Variants in PMVK observed in about 807,000 individuals in gnomAD.
PMVK encodes phosphomevalonate kinase.
PMVK carries 10 observed loss-of-function variants against 19.0 expected under a neutral mutation model. The observed-to-expected ratio is 0.53, with a 90% CI of 0.32 to 0.89. PMVK has a LOEUF of 0.89. PMVK is among the 40% of genes least tolerant of loss of function. PMVK has a pLI of 0.03. For missense variants in PMVK, 222 were observed against 251.1 expected (o/e 0.88, Z 0.78); for synonymous variants, 108 against 101.6 (o/e 1.06, Z -0.38).
At chr1:154,930,844 G>C (rs1654312969) in intron 2 of PMVK, among the ~76,000 whole-genome samples, 1 of 152,178 alleles carries the variant, frequency 6.6e-6, no homozygotes, top group Non-Finnish European at 1.5e-5. Context: ...TAGCACTTTG[G>C]GAGGCCATAG....
At chr1:154,930,948 G>T (rs891582680) in intron 2 of PMVK, among the ~76,000 whole-genome samples, 15 of 152,092 alleles carry the variant, frequency 9.9e-5, no homozygotes, top group Admixed American at 8.5e-4. Context: ...ACTTAGCCAG[G>T]CATAGTGGCA....
chr1:154,939,048 C>G (rs1013093695), upstream of PMVK, among the ~76,000 whole-genome samples: 2 of 152,172 alleles, frequency 1.3e-5, no homozygotes, highest in African/African-American at 4.8e-5. Flanking sequence ...GACTCAGCCA[C>G]TGGCTCCCAG....
upstream of PMVK, chr1:154,937,534 A>G (rs1008641897): frequency 6.6e-6 from 1 of 152,246 alleles, no homozygotes; most frequent in African/African-American, 2.4e-5. Flanking sequence ...GCTCCCAGCC[A>G]GAAGTTTGAG....
At chr1:154,941,504 A>G (rs1040307115), upstream of PMVK, among the ~76,000 whole-genome samples, 1 of 152,164 alleles carries the variant, frequency 6.6e-6, no homozygotes, top group Non-Finnish European at 1.5e-5. Context: ...GAGCATGTGA[A>G]GGGGCCAGGA....
At chr1:154,932,487 C>A in intron 1 of PMVK, 72 bp from the exon 2 acceptor site, 1 of 1,051,596 alleles carries the variant, frequency 9.5e-7, no homozygotes, top group South Asian at 1.5e-5. Flanking sequence ...GAAAGGGAGT[C>A]AAGAGGCCTG....
chr1:154,935,839 G>A (rs1406523662), intron 1 of PMVK, among the ~76,000 whole-genome samples: 4 of 149,500 alleles, frequency 2.7e-5, no homozygotes, highest in Admixed American at 6.6e-5. Flanking sequence ...AGAGGTGCTC[G>A]CCATCGCACT....
chr1:154,938,142 C>CA (rs1377709503), upstream of PMVK: 1 of 152,224 alleles, frequency 6.6e-6, no homozygotes, highest in Non-Finnish European at 1.5e-5. Flanking sequence ...CTTCAATAAA[C>CA]ATGTATTTGG....
Position 154,932,208 on chromosome 1 carries a change from C to T in PMVK, c.159+144G>A, listed in dbSNP as rs549961087. On this transcript the variant is annotated intron_variant, in intron 2 of 4. Coordinates refer to ENST00000368467, the MANE Select transcript of PMVK (RefSeq NM_006556.4). ...TAAGCTGAAAATGCCCCCGAAAGGT[C>T]CACTCACAGAAAACCAAGAGCTGGC... 5 of 689,314 alleles carry T rather than the reference C, an allele frequency of 7.3e-6. No homozygotes were observed. In the East Asian group the frequency reaches 1.1e-4, roughly 15 times the overall value. The allele number at this position is 689,314 out of a possible 1,614,324, so 42.7% of individuals were successfully genotyped here.
intron 3 of PMVK, among the ~76,000 whole-genome samples, chr1:154,927,658 G>A (rs56720968): frequency 0.21 from 31,449 of 151,614 alleles, 7,459 homozygotes; most frequent in African/African-American, 0.59. Context: ...TGGGAAGTCT[G>A]ACCTGACCTT....
intron 1 of PMVK, among the ~76,000 whole-genome samples, chr1:154,932,744 C>T (rs1168550233): frequency 1.3e-5 from 2 of 152,360 alleles, no homozygotes; most frequent in Non-Finnish European, 2.9e-5. Flanking sequence ...AGACCCTAAA[C>T]TAATTCTCTC....
chr1:154,930,889 A>G (rs1654314364), intron 2 of PMVK, among the ~76,000 whole-genome samples: 1 of 151,848 alleles, frequency 6.6e-6, no homozygotes, highest in Non-Finnish European at 1.5e-5. Context: ...GTTGGAGACC[A>G]GCCTGGGCAA....
chr1:154,927,403 G>A (rs1654196623), intron 3 of PMVK, among the ~76,000 whole-genome samples: 4 of 139,208 alleles, frequency 2.9e-5, no homozygotes, highest in African/African-American at 5.7e-5. Flanking sequence ...AGCTGAGATC[G>A]CGCCACCGCA....
rs1654097648 is a variant in PMVK, at chr1:154,925,044, G to T, written c.*85C>A. On this transcript the variant is annotated 3_prime_UTR_variant, in exon 5 of 5. Transcript: ENST00000368467. ...CCCCCCCTGTCTGTTCCTCACCTCG[G>T]CCAGGATCGGGGGACACCCCCATTT... The T allele has an allele frequency of 1.6e-6, 2 of 1,238,582 alleles. No individual in the cohort carries two copies. Among genetic ancestry groups the T allele is most frequent in the African/African-American group, 3.3e-5 (2 of 61,528 alleles). 76.7% of individuals were successfully genotyped at this position (1,238,582 alleles called of 1,614,324 possible).
At chr1:154,925,713 C>T (rs1460188788) in intron 4 of PMVK, among the ~76,000 whole-genome samples, 1 of 152,222 alleles carries the variant, frequency 6.6e-6, no homozygotes, top group Non-Finnish European at 1.5e-5. Context: ...GGGAAAGAGA[C>T]TTAACCTTTC....
intron 4 of PMVK, among the ~76,000 whole-genome samples, chr1:154,925,783 T>C (rs909039551): frequency 3.9e-5 from 6 of 152,146 alleles, no homozygotes; most frequent in African/African-American, 1.4e-4. Flanking sequence ...GCTGAATCTG[T>C]TTTGATGGTA....
chr1:154,942,357 G>C, the PMVK span, among the ~76,000 whole-genome samples: 1 of 152,210 alleles, frequency 6.6e-6, no homozygotes, highest in Admixed American at 6.5e-5. Flanking sequence ...CTTGGCTCTA[G>C]CCTCCCTGGA....
In PMVK at chr1:154,936,652, GTA is replaced by G; in HGVS notation, c.32_33del (p.Val11AlafsTer25). ...GATTTCCTCTTGCCGCTGAACAGCA[GTA>G]CCAGCCGCGGGGCGCCTCCCAGCGG... MAPLGGAPRL[V>X]LLFSGKRKSG... On this transcript the variant is annotated frameshift_variant, in exon 1 of 5. Coordinates refer to ENST00000368467, the MANE Select transcript of PMVK (RefSeq NM_006556.4). LOFTEE classifies it high-confidence loss of function. The G allele has an allele frequency of 1.9e-6, 3 of 1,608,940 alleles. No homozygotes were observed. Among genetic ancestry groups the G allele is most frequent in the Non-Finnish European group, 1.7e-6 (2 of 1,178,152 alleles).
intron 2 of PMVK, among the ~76,000 whole-genome samples, chr1:154,930,487 T>C (rs900990112): frequency 3.3e-5 from 5 of 151,706 alleles, no homozygotes; most frequent in African/African-American, 1.2e-4. Flanking sequence ...AATAAATAAA[T>C]AAAAATGCAA....
At chr1:154,935,295 G>A (rs1654468224) in intron 1 of PMVK, among the ~76,000 whole-genome samples, 1 of 151,938 alleles carries the variant, frequency 6.6e-6, no homozygotes. Context: ...TCTGCTCTGG[G>A]CTCTCCCACA....
Sources: gnomAD v4.1 joint callset for allele counts (sites outside exome capture counted in the v4.1 genomes callset) on GRCh38, gnomAD v4.1.1 for gene constraint, MANE v1.5 for transcripts, NCBI Gene and HGNC (gene_info 2026-07-23, HGNC 2026-07-21) for gene names.